The following ZNF41 variants were observed in gnomAD, a reference collection of about 807,000 sequenced individuals.
ZNF41 encodes the protein zinc finger protein 41.
A neutral mutation model predicts 9.3 loss-of-function variants in ZNF41; 6 were observed. The ratio of observed to expected loss-of-function variants is 0.65; its 90% CI spans 0.35 to 1.28. The LOEUF is 1.28. Ranked by LOEUF, ZNF41 falls within the 50% of genes most tolerant of loss-of-function variation. The pLI, the probability that ZNF41 is intolerant of heterozygous loss-of-function variation, is 0.03. For synonymous variants in ZNF41, 192 were observed against 207.1 expected, an observed-to-expected ratio of 0.93 and a Z score of 0.63; for missense variants, 523 against 585.8, an observed-to-expected ratio of 0.89 and a Z score of 1.11.
intron 2 of ZNF41, among the ~76,000 whole-genome samples, chrX:47,462,946 TACACACAC>T (rs1159661067): frequency 1.5e-5 from 1 of 65,547 alleles, no homozygotes; most frequent in Non-Finnish European, 3.6e-5. Context: ...TATATATATA[TACACACAC>T]ACACACACAC....
chrX:47,466,534 CT>C (rs11379623), intron 2 of ZNF41, among the ~76,000 whole-genome samples: 35 of 103,283 alleles, frequency 3.4e-4, no homozygotes, highest in East Asian at 3.1e-4. Flanking sequence ...TTTTATTCAT[CT>C]TTTTTTTTTT....
At chrX:47,461,390 G>A (rs1488776759) in intron 2 of ZNF41, among the ~76,000 whole-genome samples, 2 of 106,890 alleles carry the variant, frequency 1.9e-5, no homozygotes, top group Non-Finnish European at 3.9e-5. Context: ...GAGCCACCGC[G>A]CCTGGCCAGG....
At chrX:47,457,636 C>T (rs774644221) in intron 2 of ZNF41, among the ~76,000 whole-genome samples, 89 of 111,697 alleles carry the variant, frequency 8.0e-4, no homozygotes, top group Non-Finnish European at 1.2e-3. Flanking sequence ...GTCAGGAGTT[C>T]GAGACCAGCC....
chrX:47,455,809 T>G, intron 4 of ZNF41, 112 bp downstream of exon 4: 1 of 736,322 alleles, frequency 1.4e-6, no homozygotes, highest in Non-Finnish European at 2.1e-6. Context: ...ACTCCAAAAG[T>G]TTAGAACTTT....
chrX:47,462,438 G>C (rs772928683), intron 2 of ZNF41, among the ~76,000 whole-genome samples: 1 of 110,505 alleles, frequency 9.0e-6, no homozygotes, highest in Non-Finnish European at 1.9e-5. Context: ...GAGTACCCCC[G>C]TTCTTTTATC....
rs756873063 is a variant in ZNF41 at position 47,462,974 on chromosome X, T to TACAC, written c.72+4432_72+4435dup. 1.0e-3 allele frequency among the ~76,000 whole-genome samples: 106 copies of TACAC among 100,959 alleles called. 1 individual carries two copies. The East Asian group carries it at 0.011, about 10-fold the overall frequency. 87.7% of individuals were successfully genotyped at this position (100,959 alleles called of 115,157 possible). On this transcript the variant is annotated intron_variant, in intron 2 of 4. Transcript: ENST00000684689. ...ACACACACACACACACACATATGTG[T>TACAC]ACACACACACACACACACATACACA...
intron 1 of ZNF41, among the ~76,000 whole-genome samples, chrX:47,482,003 G>A (rs1053749192): frequency 1.9e-4 from 21 of 109,157 alleles, no homozygotes; most frequent in African/African-American, 7.1e-4. Context: ...CCAAAGAAAC[G>A]CATCACTCAC....
At chrX:47,458,410 C>T (rs1296348750) in intron 2 of ZNF41, among the ~76,000 whole-genome samples, 1 of 111,565 alleles carries the variant, frequency 9.0e-6, no homozygotes, top group African/African-American at 3.2e-5. Context: ...CTCCAGTGCT[C>T]ATATTACAAA....
At chrX:47,463,866 C>G (rs73494329) in intron 2 of ZNF41, among the ~76,000 whole-genome samples, 29,657 of 110,309 alleles carry the variant, frequency 0.27, 3,039 homozygotes, top group South Asian at 0.4. Flanking sequence ...TTGTCTCCTG[C>G]TTCCTCTGAC....
chrX:47,452,695 C>T (rs1474447806), intron 4 of ZNF41, among the ~76,000 whole-genome samples: 4 of 112,353 alleles, frequency 3.6e-5, no homozygotes, highest in Non-Finnish European at 5.6e-5. Context: ...TGGGTTCAAG[C>T]GATTCTCCTG....
At chrX:47,456,662 C>A (rs779835325) in intron 2 of ZNF41, among the ~76,000 whole-genome samples, 15 of 112,051 alleles carry the variant, frequency 1.3e-4, no homozygotes, top group African/African-American at 4.5e-4. Flanking sequence ...AGTCCTCCAG[C>A]TAACTTAAAA....
chrX:47,471,850 T>C (rs979766813), intron 1 of ZNF41, among the ~76,000 whole-genome samples: 6 of 110,799 alleles, frequency 5.4e-5, no homozygotes, highest in African/African-American at 2.0e-4. Context: ...AAACAGCAAA[T>C]AAGTTTATAA....
chrX:47,449,130 G>A lies in ZNF41; in HGVS notation c.640C>T (p.Leu214Phe). 8.3e-7 allele frequency: 1 copy of A among 1,211,561 alleles called. No homozygotes were observed. Among genetic ancestry groups the A allele is most frequent in the Non-Finnish European group, 1.1e-6 (1 of 895,491 alleles). ...NHNRNSATKN[L>F]GKIFGNGNNF... ...TTACCATTTCCAAAAATCTTGCCAAGGTTCTTTGTTGCACTGTTTCTATTA... is the reference window on the plus strand; with the variant it reads ...TTACCATTTCCAAAAATCTTGCCAAAGTTCTTTGTTGCACTGTTTCTATTA... Residue 214 changes from leucine (L) to phenylalanine (F), a missense_variant, in exon 5 of 5, where the codon CTT becomes TTT. Physicochemically the swap from Leu to Phe is conservative, Grantham distance 22 (BLOSUM62 0). Transcript: ENST00000684689.
At chrX:47,473,020 C>T (rs1033741446) in intron 1 of ZNF41, among the ~76,000 whole-genome samples, 2 of 108,846 alleles carry the variant, frequency 1.8e-5, no homozygotes, top group Admixed American at 2.0e-4. Context: ...TGCGCCTGGC[C>T]TACAAAAAAA....
chrX:47,475,952 T>C (rs149274082), intron 1 of ZNF41, among the ~76,000 whole-genome samples: 3 of 111,445 alleles, frequency 2.7e-5, no homozygotes, highest in Non-Finnish European at 3.8e-5. Context: ...ATTAGGCTAT[T>C]ACATCAAAAA....
intron 2 of ZNF41, among the ~76,000 whole-genome samples, chrX:47,458,499 G>GA (rs1309355588): frequency 9.0e-6 from 1 of 111,559 alleles, no homozygotes; most frequent in Non-Finnish European, 1.9e-5. Flanking sequence ...AAGCCCAAGA[G>GA]AAAAAATCTT....
At chrX:47,468,715 C>T (rs1313068122) in intron 1 of ZNF41, among the ~76,000 whole-genome samples, 3 of 111,259 alleles carry the variant, frequency 2.7e-5, no homozygotes. Flanking sequence ...CTGCTACAGG[C>T]CCCCCAAAAC....
In ZNF41 at chrX:47,478,607, A is replaced by G. The variant is rs185655889; in HGVS notation, c.-280+4488T>C. On this transcript the variant is annotated intron_variant, in intron 1 of 4. Transcript: ENST00000684689. ...AATAAAAGGAATAAGGTCCTAATACATACTATAACACGGATGAGCTTTGAA... is the reference window on the plus strand; with the variant it reads ...AATAAAAGGAATAAGGTCCTAATACGTACTATAACACGGATGAGCTTTGAA... 1.1e-4 allele frequency among the ~76,000 whole-genome samples: 12 copies of G among 111,532 alleles called. 1 individual carries two copies. The East Asian group carries it at 3.4e-3, about 31-fold the overall frequency.
chrX:47,480,616 TAG>T (rs1248771261), intron 1 of ZNF41, among the ~76,000 whole-genome samples: 1 of 108,447 alleles, frequency 9.2e-6, no homozygotes, highest in Non-Finnish European at 1.9e-5. Flanking sequence ...AGTCAAAATA[TAG>T]AGATAGAGGA....
Sources: allele counts gnomAD v4.1 joint callset (sites outside exome capture counted in the v4.1 genomes callset), GRCh38; gene constraint gnomAD v4.1.1; transcripts MANE v1.5; gene names NCBI Gene and HGNC (gene_info 2026-07-23, HGNC 2026-07-21).